The following LYZL4 variants were observed in gnomAD, a reference collection of about 807,000 sequenced individuals.
LYZL4 encodes lysozyme like 4.
In LYZL4, 13 loss-of-function variants were observed where a neutral mutation model predicts 17.6. The observed-to-expected ratio is 0.74, with a 90% CI of 0.48 to 1.18. The LOEUF (loss-of-function observed/expected upper bound fraction) is 1.18, where lower values mean the gene tolerates loss of function less well. Among genes scored for constraint, LYZL4 ranks in the 50% most tolerant of loss-of-function variants. The pLI is 0.00. For synonymous variants in LYZL4, 64 were observed against 67.7 expected (o/e 0.95, Z 0.27); for missense variants, 174 against 188.2 (o/e 0.92, Z 0.44).
At chr3:42,386,395 G>GCCCCCCCCCCCCCC in the LYZL4 span, among the ~76,000 whole-genome samples, 1 of 107,460 alleles carries the variant, frequency 9.3e-6, no homozygotes, top group African/African-American at 3.7e-5. Context: ...GAGCCACCAC[G>GCCCCCCCCCCCCCC]CCCCCCCCCC....
At chr3:42,398,860 A>G (rs1338591400) in intron 4 of LYZL4, among the ~76,000 whole-genome samples, 2 of 152,232 alleles carry the variant, frequency 1.3e-5, no homozygotes, top group Non-Finnish European at 2.9e-5. Flanking sequence ...GATTCTGTGA[A>G]TCTGTGAAAC....
chr3:42,403,605 T>C (rs1353791490), intron 4 of LYZL4, among the ~76,000 whole-genome samples: 1 of 152,112 alleles, frequency 6.6e-6, no homozygotes, highest in Non-Finnish European at 1.5e-5. Flanking sequence ...GCAAAAATGT[T>C]GTGATTGGTG....
chr3:42,380,998 G>C, the LYZL4 span, among the ~76,000 whole-genome samples: 1 of 152,236 alleles, frequency 6.6e-6, no homozygotes. Context: ...TCTGCCTTGA[G>C]AAGTGCTTCT....
chr3:42,369,843 G>T, the LYZL4 span, among the ~76,000 whole-genome samples: 4 of 152,332 alleles, frequency 2.6e-5, no homozygotes, highest in South Asian at 8.3e-4. Context: ...AGCATTTGGG[G>T]ATGCAGGCTG....
the LYZL4 span, among the ~76,000 whole-genome samples, chr3:42,374,473 C>T: frequency 1.3e-5 from 2 of 152,162 alleles, no homozygotes; most frequent in South Asian, 4.1e-4. Context: ...GTACTTTTCA[C>T]CCAGCTTTGG....
At chr3:42,396,532 C>T (rs537121165), downstream of LYZL4, among the ~76,000 whole-genome samples, 2 of 152,110 alleles carry the variant, frequency 1.3e-5, no homozygotes, top group African/African-American at 4.8e-5. Flanking sequence ...AAGTCAGATG[C>T]AAAACTCTCT....
the LYZL4 span, among the ~76,000 whole-genome samples, chr3:42,377,625 CTGTGTGTGTGTGTG>C: frequency 2.1e-4 from 30 of 143,790 alleles, no homozygotes; most frequent in South Asian, 4.5e-4. Flanking sequence ...GCATGACTCT[CTGTGTGTGTGTGTG>C]TGTGTGTGTG....
chr3:42,394,807 C>A (rs111465102), downstream of LYZL4, among the ~76,000 whole-genome samples: 5 of 152,126 alleles, frequency 3.3e-5, no homozygotes, highest in Non-Finnish European at 5.9e-5. Flanking sequence ...GATGGTGAGC[C>A]GCAGCAGAAG....
the LYZL4 span, among the ~76,000 whole-genome samples, chr3:42,371,879 C>A: frequency 6.6e-6 from 1 of 152,216 alleles, no homozygotes; most frequent in Non-Finnish European, 1.5e-5. Context: ...GACTAGAGAG[C>A]CTCCAAGCTG....
chr3:42,387,951 G>A, the LYZL4 span, among the ~76,000 whole-genome samples: 1 of 152,088 alleles, frequency 6.6e-6, no homozygotes, highest in Admixed American at 6.6e-5. Flanking sequence ...CCAAGCAGTG[G>A]TCTTCACCTC....
rs1698560041 is a variant in LYZL4 at position 42,397,087 on chromosome 3, G to A, written c.*178C>T. ...AGCAGAGACCTTTGGCCCAAGTTGA[G>A]TAACTAGTTTGGTTTATTCTGCATC... On this transcript the variant is annotated 3_prime_UTR_variant, in exon 5 of 5. Transcript: ENST00000287748. 5.8e-6 allele frequency: 3 copies of A among 515,870 alleles called. No homozygotes were observed. Among genetic ancestry groups the A allele is most frequent in the Non-Finnish European group, 1.1e-5 (3 of 279,764 alleles). The allele number at this position is 515,870 out of a possible 1,614,324, so 32.0% of individuals were successfully genotyped here.
chr3:42,368,705 C>T, the LYZL4 span, among the ~76,000 whole-genome samples: 2 of 151,940 alleles, frequency 1.3e-5, no homozygotes, highest in East Asian at 1.9e-4. Flanking sequence ...TCAATATGCG[C>T]CCAGATTGCT....
intron 3 of LYZL4, 22 bp downstream of exon 3, chr3:42,406,824 C>A (rs142019338): frequency 6.8e-6 from 11 of 1,612,730 alleles, no homozygotes; most frequent in Non-Finnish European, 9.3e-6. Context: ...TGCCCCCGCA[C>A]GGAATGGAAA....
intron 1 of LYZL4, 142 bp downstream of exon 1, chr3:42,410,275 T>G (rs979571690): frequency 6.6e-6 from 1 of 152,218 alleles, no homozygotes; most frequent in Admixed American, 6.5e-5. Flanking sequence ...TGAAACTTTG[T>G]TGAATGAATG....
chr3:42,383,816 G>T, the LYZL4 span, among the ~76,000 whole-genome samples: 1 of 152,026 alleles, frequency 6.6e-6, no homozygotes, highest in East Asian at 1.9e-4. Flanking sequence ...ATTGAGAAAA[G>T]TTCCCAGAAA....
chr3:42,378,777 G>C, the LYZL4 span, among the ~76,000 whole-genome samples: 18 of 151,966 alleles, frequency 1.2e-4, no homozygotes, highest in Non-Finnish European at 4.4e-5. Flanking sequence ...ACTGTTCACT[G>C]TGCTGGTGAC....
chr3:42,381,149 A>C, the LYZL4 span, among the ~76,000 whole-genome samples: 24 of 152,340 alleles, frequency 1.6e-4, no homozygotes, highest in Middle Eastern at 3.4e-3. Context: ...AATGCCTGCT[A>C]TGGTAGGCTA....
intron 4 of LYZL4, among the ~76,000 whole-genome samples, chr3:42,402,136 T>TAAAAAA (rs61260579): frequency 1.6e-5 from 2 of 124,096 alleles, no homozygotes; most frequent in African/African-American, 6.1e-5. Flanking sequence ...TTGAGAAGGT[T>TAAAAAA]AAAAAAAAAA....
the LYZL4 span, among the ~76,000 whole-genome samples, chr3:42,389,658 C>A: frequency 1.7e-4 from 26 of 152,300 alleles, no homozygotes; most frequent in African/African-American, 5.8e-4. Context: ...ACCACATGAT[C>A]TGAACGGGCT....
Sources: gnomAD v4.1 joint callset for allele counts (sites outside exome capture counted in the v4.1 genomes callset) on GRCh38, gnomAD v4.1.1 for gene constraint, MANE v1.5 for transcripts, NCBI Gene and HGNC (gene_info 2026-07-23, HGNC 2026-07-21) for gene names.